The following POFUT3 variants were observed in gnomAD, a reference collection of about 807,000 sequenced individuals.
POFUT3 encodes the protein protein O-fucosyltransferase 3.
the POFUT3 span, among the ~76,000 whole-genome samples, chr8:33,365,170 A>G: frequency 7.2e-5 from 11 of 152,356 alleles, no homozygotes; most frequent in African/African-American, 2.4e-4. Flanking sequence ...AGGATTTCCT[A>G]TTTAATAAAT....
At chr8:33,436,718 C>A in the POFUT3 span, 2 of 694,520 alleles carry the variant, frequency 2.9e-6, no homozygotes, top group Non-Finnish European at 2.5e-6. Flanking sequence ...ACAGCTAGCA[C>A]AGAAATCAGC....
At chr8:33,463,168 T>C in the POFUT3 span, among the ~76,000 whole-genome samples, 1 of 152,216 alleles carries the variant, frequency 6.6e-6, no homozygotes, top group Non-Finnish European at 1.5e-5. Context: ...TCATTAGTCC[T>C]ATAAAAATAA....
the POFUT3 span, among the ~76,000 whole-genome samples, chr8:33,314,414 A>G: frequency 8.5e-5 from 13 of 152,214 alleles, no homozygotes; most frequent in Non-Finnish European, 1.9e-4. Flanking sequence ...GCACTAACAG[A>G]CAGTGTACTA....
At chr8:33,359,304 G>A in the POFUT3 span, among the ~76,000 whole-genome samples, 3 of 152,160 alleles carry the variant, frequency 2.0e-5, no homozygotes, top group Non-Finnish European at 4.4e-5. Flanking sequence ...GTAAGGTGAG[G>A]AAGAAGGATC....
the POFUT3 span, among the ~76,000 whole-genome samples, chr8:33,446,514 C>A: frequency 6.6e-6 from 1 of 151,642 alleles, no homozygotes; most frequent in East Asian, 1.9e-4. Flanking sequence ...AGAGTAGGTA[C>A]CAATTAATGA....
the POFUT3 span, among the ~76,000 whole-genome samples, chr8:33,382,417 C>G: frequency 6.6e-6 from 1 of 151,684 alleles, no homozygotes; most frequent in African/African-American, 2.4e-5. Context: ...GGCATAGATT[C>G]CTGAAGAAAA....
the POFUT3 span, among the ~76,000 whole-genome samples, chr8:33,329,696 G>T: frequency 7.6e-4 from 116 of 152,238 alleles, no homozygotes; most frequent in African/African-American, 2.6e-3. Flanking sequence ...GGACAGCCAA[G>T]AATTATAAGT....
chr8:33,331,446 G>C, the POFUT3 span, among the ~76,000 whole-genome samples: 1 of 152,144 alleles, frequency 6.6e-6, no homozygotes, highest in Non-Finnish European at 1.5e-5. Context: ...CATAGAAGCA[G>C]ACGGCTTAAG....
At chr8:33,453,639 A>T in the POFUT3 span, 1 of 799,516 alleles carries the variant, frequency 1.3e-6, no homozygotes, top group Non-Finnish European at 2.0e-6. Flanking sequence ...CACAAACAGT[A>T]ATTTAAAATA....
chr8:33,399,659 TTTG>T, the POFUT3 span, among the ~76,000 whole-genome samples: 2 of 138,516 alleles, frequency 1.4e-5, no homozygotes, highest in Admixed American at 7.1e-5. Context: ...CTTTTATTTA[TTTG>T]TTTTTTTTTT....
At chr8:33,380,479 G>A in the POFUT3 span, among the ~76,000 whole-genome samples, 376 of 151,408 alleles carry the variant, frequency 2.5e-3, 2 homozygotes, top group African/African-American at 8.6e-3. Flanking sequence ...TGGTTTATAT[G>A]TAGAAAACAT....
the POFUT3 span, among the ~76,000 whole-genome samples, chr8:33,343,461 G>A: frequency 6.6e-6 from 1 of 152,098 alleles, no homozygotes; most frequent in African/African-American, 2.4e-5. Flanking sequence ...GCTTAATATT[G>A]GCCAATCCTA....
the POFUT3 span, among the ~76,000 whole-genome samples, chr8:33,309,350 A>AG: frequency 1.0e-5 from 1 of 96,282 alleles, no homozygotes; most frequent in African/African-American, 4.9e-5. Context: ...CCTTAAAGGT[A>AG]TTGTGTGTGT....
chr8:33,439,574 T>C, the POFUT3 span, among the ~76,000 whole-genome samples: 3 of 151,822 alleles, frequency 2.0e-5, no homozygotes, highest in East Asian at 2.0e-4. Flanking sequence ...CCTTAGAATA[T>C]ATCCTAACTT....
At chr8:33,340,711 A>AC in the POFUT3 span, among the ~76,000 whole-genome samples, 1 of 152,304 alleles carries the variant, frequency 6.6e-6, no homozygotes, top group Admixed American at 6.5e-5. Context: ...TTACAGAAAG[A>AC]CAAAAAAAAG....
chr8:33,388,493 T>G, the POFUT3 span, among the ~76,000 whole-genome samples: 1 of 151,898 alleles, frequency 6.6e-6, no homozygotes, highest in East Asian at 1.9e-4. Context: ...CATGTCACCA[T>G]GCCGGGCTAA....
chr8:33,443,965 GC>G, the POFUT3 span, among the ~76,000 whole-genome samples: 1 of 142,108 alleles, frequency 7.0e-6, no homozygotes, highest in East Asian at 2.0e-4. Flanking sequence ...ATTTCTACAA[GC>G]TTTTTTTTTT....
the POFUT3 span, among the ~76,000 whole-genome samples, chr8:33,445,815 G>T: frequency 2.0e-5 from 3 of 152,154 alleles, no homozygotes; most frequent in Non-Finnish European, 2.9e-5. Flanking sequence ...ACCCACAGCA[G>T]AGATGCAGCT....
chr8:33,389,909 A>T, the POFUT3 span: 4 of 768,396 alleles, frequency 5.2e-6, no homozygotes, highest in Non-Finnish European at 8.4e-6. Flanking sequence ...AATAAGAAGC[A>T]TGTGGCCGGG....
Sources: gnomAD v4.1 joint callset for allele counts (sites outside exome capture counted in the v4.1 genomes callset) on GRCh38, gnomAD v4.1.1 for gene constraint, MANE v1.5 for transcripts, NCBI Gene and HGNC (gene_info 2026-07-23, HGNC 2026-07-21) for gene names.